FRAS1: variants seen among roughly 807,000 people sequenced by gnomAD.
FRAS1 encodes the protein extracellular matrix organizing protein FRAS1.
FRAS1 carries 290 observed loss-of-function variants against 435.2 expected under a neutral mutation model. The observed-to-expected ratio is 0.67, with a 90% CI of 0.61 to 0.73. FRAS1 has a LOEUF of 0.73. FRAS1 is among the 30% of genes least tolerant of loss of function. FRAS1 has a pLI of 0.00. For missense variants in FRAS1, 4,860 were observed against 5,001.5 expected, an observed-to-expected ratio of 0.97 and a Z score of 0.85; for synonymous variants, 1,800 against 1,851.0, an observed-to-expected ratio of 0.97 and a Z score of 0.71.
At position 78,057,720 on chromosome 4, in the gene FRAS1, T is replaced by C; in HGVS notation, c.-290T>C. ...GGCGAGATTTTGACGCGGAGAACTG[T>C]GCTCTGCCTCCTCTTATTCTCCCAA... On this transcript the variant is annotated 5_prime_UTR_variant, in exon 1 of 74. Transcript: ENST00000512123. This position sits in a 1 kb window ranked among gnomAD's most constrained non-coding sequence, Gnocchi z 4.2. 1 of 496,022 alleles carries C rather than the reference T, an allele frequency of 2.0e-6. No individual in the cohort carries two copies. Among genetic ancestry groups the C allele is most frequent in the Non-Finnish European group, 3.6e-6 (1 of 278,160 alleles). 30.7% of individuals were successfully genotyped at this position (496,022 alleles called of 1,614,324 possible). A position where few individuals can be genotyped will look rare whatever the true frequency, so the allele number is the denominator to read the frequency against.
intron 73 of FRAS1, among the ~76,000 whole-genome samples, chr4:78,539,700 T>G (rs1019689537): frequency 3.9e-5 from 6 of 152,200 alleles, no homozygotes; most frequent in African/African-American, 1.4e-4. Flanking sequence ...CATATGACAC[T>G]CCAGTTTTTC....
intron 2 of FRAS1, among the ~76,000 whole-genome samples, chr4:78,087,646 G>A (rs906052956): frequency 5.9e-5 from 9 of 152,134 alleles, no homozygotes; most frequent in Non-Finnish European, 1.2e-4. Flanking sequence ...CAAACAGAGA[G>A]CCAAATCATG....
At chr4:78,523,599 T>C (rs1721453425) in intron 69 of FRAS1, among the ~76,000 whole-genome samples, 1 of 152,234 alleles carries the variant, frequency 6.6e-6, no homozygotes, top group Admixed American at 6.5e-5. Context: ...ATATTTAGCA[T>C]TAAAATCTTA....
intron 26 of FRAS1, among the ~76,000 whole-genome samples, chr4:78,378,596 T>C (rs1255615173): frequency 2.0e-5 from 3 of 152,164 alleles, no homozygotes; most frequent in African/African-American, 7.2e-5. Flanking sequence ...TCTTTCCTAG[T>C]GGAAGTGAAG....
At position 78,541,835 on chromosome 4, in the gene FRAS1, A is replaced by T. The variant is rs575623427; in HGVS notation, c.*711A>T. ...AGTTAAGGAGGGGCCTGGCAGGCGT[A>T]TCAGAGCACATTAGTGATGCCCTTC... is the stretch of plus-strand genomic sequence containing the variant. On this transcript the variant is annotated 3_prime_UTR_variant, in exon 74 of 74. Coordinates refer to ENST00000512123, the MANE Select transcript of FRAS1 (RefSeq NM_025074.7). 6.6e-6 allele frequency: 1 copy of T among 152,342 alleles called. No homozygotes were observed. The highest frequency in any genetic ancestry group is 1.9e-4 in the East Asian group (1 of 5,184). The allele number at this position is 152,342 out of a possible 1,614,324, so 9.4% of individuals were successfully genotyped here.
At chr4:78,312,086 A>G (rs1052124793) in intron 15 of FRAS1, among the ~76,000 whole-genome samples, 20 of 151,466 alleles carry the variant, frequency 1.3e-4, no homozygotes, top group African/African-American at 4.6e-4. Flanking sequence ...TGAATTTTTA[A>G]TAAGACCTTT....
intron 62 of FRAS1, 69 bp downstream of exon 62, chr4:78,507,677 G>A (rs1236909573): frequency 2.1e-6 from 3 of 1,425,088 alleles, no homozygotes; most frequent in Non-Finnish European, 2.8e-6. Flanking sequence ...CTGAAGGGAA[G>A]TACTCTATTT....
intron 2 of FRAS1, among the ~76,000 whole-genome samples, chr4:78,134,449 T>G (rs1719837376): frequency 1.3e-5 from 2 of 152,306 alleles, no homozygotes; most frequent in Middle Eastern, 3.4e-3. Flanking sequence ...AATCACATCA[T>G]TTTTACTTGT....
chr4:78,521,546 T>G lies in FRAS1; in HGVS notation c.10564T>G (p.Ser3522Ala). Residue 3522 changes from serine to alanine, a missense_variant, in exon 68 of 74, where the codon TCT (serine) becomes GCT (alanine). By Grantham distance (99) the Ser-to-Ala change is moderately conservative. Transcript: ENST00000512123. ...AGGAATCCAGACAGACAGCGTGCTC[T>G]CTGCAAGGCTTCAGATAATAAGAAT... ...RTGIQTDSVL[S>A]ARLQIIRIYI... 6.2e-7 allele frequency: 1 copy of G among 1,610,310 alleles called. No homozygotes were observed. Among genetic ancestry groups the G allele is most frequent in the African/African-American group, 1.3e-5 (1 of 74,806 alleles).
At chr4:78,060,657 G>A (rs900562791) in intron 1 of FRAS1, among the ~76,000 whole-genome samples, 3 of 152,106 alleles carry the variant, frequency 2.0e-5, no homozygotes, top group Non-Finnish European at 4.4e-5. Context: ...ACTGGCCTCT[G>A]ATTAGCTCAC....
chr4:78,131,612 A>G (rs1449413164), intron 2 of FRAS1, among the ~76,000 whole-genome samples: 1 of 152,182 alleles, frequency 6.6e-6, no homozygotes, highest in Non-Finnish European at 1.5e-5. Flanking sequence ...TGAAACCTCA[A>G]TTTGTGCCAC....
At chr4:78,490,843 C>T (rs1486894769) in intron 59 of FRAS1, among the ~76,000 whole-genome samples, 3 of 150,556 alleles carry the variant, frequency 2.0e-5, no homozygotes, top group Non-Finnish European at 4.4e-5. Context: ...AAAAATCCTT[C>T]AAAAAAATCA....
intron 2 of FRAS1, among the ~76,000 whole-genome samples, chr4:78,209,505 C>T (rs989379393): frequency 8.5e-5 from 13 of 152,138 alleles, no homozygotes; most frequent in African/African-American, 2.7e-4. Context: ...TGGAACTGTT[C>T]TCCTTTATGT....
At chr4:78,520,164 T>A (rs1252110699) in intron 67 of FRAS1, among the ~76,000 whole-genome samples, 2 of 151,160 alleles carry the variant, frequency 1.3e-5, no homozygotes, top group Non-Finnish European at 3.0e-5. Context: ...CACACCTACC[T>A]CCTCCTACTG....
chr4:78,087,956 C>A (rs1741285435), intron 2 of FRAS1, among the ~76,000 whole-genome samples: 1 of 152,202 alleles, frequency 6.6e-6, no homozygotes, highest in South Asian at 2.1e-4. Context: ...AAAAAAGAGC[C>A]CTCATTGCCA....
rs186568193 is a variant in FRAS1 at position 78,160,806 on chromosome 4, A to C, written c.109-76704A>C. On this transcript the variant is annotated intron_variant, in intron 2 of 73. Transcript: ENST00000512123. The stretch of plus-strand genomic sequence containing the variant: ...CTTTCAATGACTTATTGTGCTACCC[A>C]GATGCAAGCATAAAATGACATAAGC... Among the ~76,000 whole-genome samples the C allele has an allele frequency of 4.8e-3, 726 of 152,310 alleles. 24 individuals carry two copies. Among genetic ancestry groups the C allele is most frequent in the Admixed American group, 0.045 (690 of 15,280 alleles).
chr4:78,408,943 G>T (rs1733209765), intron 31 of FRAS1, among the ~76,000 whole-genome samples: 1 of 151,838 alleles, frequency 6.6e-6, no homozygotes, highest in South Asian at 2.1e-4. Flanking sequence ...GGGCAACATG[G>T]TGAAACCCTG....
At chr4:78,058,950 C>G (rs928626526) in intron 1 of FRAS1, among the ~76,000 whole-genome samples, 1 of 152,228 alleles carries the variant, frequency 6.6e-6, no homozygotes, top group Non-Finnish European at 1.5e-5. Context: ...GGGAAGTCGC[C>G]CCGCCAGTGC....
chr4:78,413,189 C>T (rs1189617604), intron 32 of FRAS1, 104 bp downstream of exon 32: 2 of 599,428 alleles, frequency 3.3e-6, no homozygotes, highest in African/African-American at 3.9e-5. Context: ...AGTGCCTGGC[C>T]CAGATCACAG....
Sources: gnomAD v4.1 joint callset for allele counts (sites outside exome capture counted in the v4.1 genomes callset) on GRCh38, gnomAD v4.1.1 for gene constraint, Gnocchi (gnomAD v3.1) non-coding constraint, MANE v1.5 for transcripts, NCBI Gene and HGNC (gene_info 2026-07-23, HGNC 2026-07-21) for gene names.